Variants in TSPAN5 observed in about 807,000 individuals in gnomAD.
TSPAN5 encodes tetraspanin-5.
TSPAN5 carries 10 observed loss-of-function variants against 37.1 expected under a neutral mutation model. The observed-to-expected ratio is 0.27, with a 90% CI of 0.17 to 0.46. TSPAN5 has a LOEUF of 0.46. Ranked by LOEUF, TSPAN5 falls within the 20% of genes least tolerant of loss-of-function variation. The pLI is 1.00. For synonymous variants in TSPAN5, 110 were observed against 118.9 expected (o/e 0.93, Z 0.48); for missense variants, 195 against 326.6 (o/e 0.60, Z 3.11).
chr4:98,517,351 A>G (rs1027379180), intron 1 of TSPAN5, among the ~76,000 whole-genome samples: 1 of 152,146 alleles, frequency 6.6e-6, no homozygotes, highest in Admixed American at 6.6e-5. Context: ...AAGCAGAATG[A>G]TATGGCTAAA....
intron 1 of TSPAN5, among the ~76,000 whole-genome samples, chr4:98,549,804 T>C (rs967052360): frequency 1.3e-5 from 2 of 152,112 alleles, no homozygotes; most frequent in Non-Finnish European, 2.9e-5. Flanking sequence ...GTTGGATGCA[T>C]ACTTTGGGAA....
intron 1 of TSPAN5, among the ~76,000 whole-genome samples, chr4:98,541,394 G>C (rs750811848): frequency 3.7e-4 from 56 of 152,148 alleles, no homozygotes; most frequent in Non-Finnish European, 6.3e-4. Flanking sequence ...TGTGGGATAG[G>C]CTGGGCATGG....
At chr4:98,624,997 C>T (rs531531970) in intron 1 of TSPAN5, among the ~76,000 whole-genome samples, 1 of 152,066 alleles carries the variant, frequency 6.6e-6, no homozygotes, top group South Asian at 2.1e-4. Context: ...TTGTAGGATT[C>T]CAAAAGGCAA....
At chr4:98,656,307 C>T (rs953194195) in intron 1 of TSPAN5, among the ~76,000 whole-genome samples, 1 of 152,114 alleles carries the variant, frequency 6.6e-6, no homozygotes, top group African/African-American at 2.4e-5. Context: ...TGCTAGGAAA[C>T]GGCAGAGAAA....
chr4:98,649,892 C>T (rs768364880), intron 1 of TSPAN5, among the ~76,000 whole-genome samples: 1 of 152,144 alleles, frequency 6.6e-6, no homozygotes, highest in Non-Finnish European at 1.5e-5. Context: ...GGCAGAGCAC[C>T]GTGACCAGGG....
intron 1 of TSPAN5, among the ~76,000 whole-genome samples, chr4:98,635,299 C>T (rs1756830309): frequency 1.3e-5 from 2 of 152,168 alleles, no homozygotes; most frequent in Non-Finnish European, 2.9e-5. Context: ...AACTCAAAGA[C>T]CAGTGAGAAA....
At chr4:98,516,381 T>C (rs937689188) in intron 1 of TSPAN5, among the ~76,000 whole-genome samples, 2 of 152,202 alleles carry the variant, frequency 1.3e-5, no homozygotes, top group South Asian at 2.1e-4. Context: ...GGGGATATTA[T>C]GTAGATATAG....
chr4:98,576,632 C>T (rs1755242943), intron 1 of TSPAN5, among the ~76,000 whole-genome samples: 1 of 152,116 alleles, frequency 6.6e-6, no homozygotes, highest in Non-Finnish European at 1.5e-5. Flanking sequence ...TGGAGGGTCA[C>T]TTGGGCCCAG....
rs76455760 is a variant in TSPAN5, at chr4:98,549,090, C to A, written c.82-41362G>T. ...CCGGAAATGGGATTGCTAGATCCAA[C>A]GGTAGTTCTATTTTTAGTTGAGAAA... On this transcript the variant is annotated intron_variant, in intron 1 of 7. Transcript: ENST00000305798. Among the ~76,000 whole-genome samples the A allele has an allele frequency of 8.6e-3, 1,303 of 152,218 alleles. 21 individuals carry two copies. The highest frequency in any genetic ancestry group is 0.03 in the African/African-American group (1,252 of 41,520).
In TSPAN5 at chr4:98,593,849, G is replaced by C. The variant is rs1293211104; in HGVS notation, c.81+64297C>G. On this transcript the variant is annotated intron_variant, in intron 1 of 7. Transcript: ENST00000305798. ...CTGTTTTGGTTACTGTAGCCTTGTA[G>C]CATAGTTTGAAGTCAGGTAGTGTGA... 4.0e-5 allele frequency among the ~76,000 whole-genome samples: 2 copies of C among 49,676 alleles called. 1 individual carries two copies. Among genetic ancestry groups the C allele is most frequent in the Non-Finnish European group, 6.6e-5 (2 of 30,382 alleles). The allele number at this position is 49,676 out of a possible 152,430, so 32.6% of individuals were successfully genotyped here. A position where few individuals can be genotyped will look rare whatever the true frequency, so the allele number is the denominator to read the frequency against.
chr4:98,600,938 C>A (rs1560553923), intron 1 of TSPAN5, among the ~76,000 whole-genome samples: 1 of 152,174 alleles, frequency 6.6e-6, no homozygotes. Flanking sequence ...CTCCTTGATT[C>A]ATGGACTACA....
intron 2 of TSPAN5, among the ~76,000 whole-genome samples, chr4:98,493,619 A>G (rs1046620270): frequency 2.0e-5 from 3 of 152,228 alleles, no homozygotes; most frequent in Non-Finnish European, 4.4e-5. Flanking sequence ...TGTGGGAAGA[A>G]TTCCTCTACA....
At chr4:98,618,522 G>C (rs1465907855) in intron 1 of TSPAN5, among the ~76,000 whole-genome samples, 2 of 152,046 alleles carry the variant, frequency 1.3e-5, no homozygotes, top group African/African-American at 4.8e-5. Context: ...ACTGCATTAG[G>C]CTCTTTATAT....
chr4:98,507,818 C>G (rs1560516594), intron 1 of TSPAN5, 90 bp from the exon 2 acceptor site: 9 of 927,668 alleles, frequency 9.7e-6, no homozygotes, highest in Non-Finnish European at 1.5e-5. Context: ...GTCACTTTAC[C>G]TGGCTGGGAA....
At chr4:98,575,390 C>G (rs1452443012) in intron 1 of TSPAN5, among the ~76,000 whole-genome samples, 1 of 147,562 alleles carries the variant, frequency 6.8e-6, no homozygotes, top group African/African-American at 2.5e-5. Flanking sequence ...AAAGCCCATA[C>G]TGTCAGTCTC....
At chr4:98,625,493 C>A (rs527590614) in intron 1 of TSPAN5, among the ~76,000 whole-genome samples, 1 of 152,164 alleles carries the variant, frequency 6.6e-6, no homozygotes, top group Non-Finnish European at 1.5e-5. Context: ...GCAAGATTGA[C>A]GTTACTTCAC....
chr4:98,529,644 C>A (rs1754038522), intron 1 of TSPAN5, among the ~76,000 whole-genome samples: 1 of 152,132 alleles, frequency 6.6e-6, no homozygotes, highest in Non-Finnish European at 1.5e-5. Flanking sequence ...CAATTCAAAC[C>A]CAGGCATCTG....
At chr4:98,557,174 T>C (rs997070212) in intron 1 of TSPAN5, among the ~76,000 whole-genome samples, 4 of 152,064 alleles carry the variant, frequency 2.6e-5, no homozygotes, top group Non-Finnish European at 1.5e-5. Context: ...AATAGTACAT[T>C]TTATCATACT....
intron 1 of TSPAN5, among the ~76,000 whole-genome samples, chr4:98,551,492 CTTTTT>C (rs35415457): frequency 1.1e-5 from 1 of 92,240 alleles, no homozygotes. Context: ...TTTTTCTTTT[CTTTTT>C]TTTTTTTTTT....
Sources: gnomAD v4.1 joint callset for allele counts (sites outside exome capture counted in the v4.1 genomes callset) on GRCh38, gnomAD v4.1.1 for gene constraint, MANE v1.5 for transcripts, NCBI Gene and HGNC (gene_info 2026-07-23, HGNC 2026-07-21) for gene names.